The following PPP1R3A variants were observed in gnomAD, a reference collection of about 807,000 sequenced individuals.
PPP1R3A encodes RG1.
PPP1R3A carries 29 observed loss-of-function variants against 41.7 expected under a neutral mutation model. The ratio of observed to expected loss-of-function variants is 0.70; its 90% CI spans 0.52 to 0.95. The LOEUF is 0.95. Ranked by LOEUF, PPP1R3A falls within the 40% of genes least tolerant of loss-of-function variation. The probability of loss-of-function intolerance (pLI) is 0.00; values close to 1 mark genes in which losing one functional copy is unlikely to be tolerated. For missense variants in PPP1R3A, 1,352 were observed against 1,292.4 expected, an observed-to-expected ratio of 1.05 and a Z score of -0.71; for synonymous variants, 485 against 453.4, an observed-to-expected ratio of 1.07 and a Z score of -0.89.
chr7:113,918,711 T>C lies in PPP1R3A; in HGVS notation c.286A>G (p.Thr96Ala), dbSNP rs1337495896. 2 of 1,613,700 alleles carry C rather than the reference T, an allele frequency of 1.2e-6. No homozygotes were observed. The highest frequency in any genetic ancestry group is 1.3e-5 in the African/African-American group (1 of 74,894). The stretch of plus-strand genomic sequence containing the variant: ...TATTCTTCTGTGTGGAAAATGTCCG[T>C]CCCTAAGTCAAAAGTGGTTGAAGCA... ...PSASTTFDLGTDIFHTEEYVL... is the reference protein window; with the variant it reads ...PSASTTFDLGADIFHTEEYVL... Residue 96 changes from threonine (T) to alanine (A), a missense_variant, in exon 1 of 4, where the codon ACG becomes GCG. By Grantham distance (58) the Thr-to-Ala change is moderately conservative. Coordinates refer to ENST00000284601, the MANE Select transcript of PPP1R3A (RefSeq NM_002711.4).
At chr7:113,889,161 C>CATCT (rs1796836106) in intron 1 of PPP1R3A, among the ~76,000 whole-genome samples, 1 of 152,120 alleles carries the variant, frequency 6.6e-6, no homozygotes, top group Admixed American at 6.5e-5. Context: ...GACAACAATG[C>CATCT]ATCTCACTGC....
At chr7:113,893,020 A>G (rs945305187) in intron 1 of PPP1R3A, among the ~76,000 whole-genome samples, 5 of 151,920 alleles carry the variant, frequency 3.3e-5, no homozygotes, top group African/African-American at 1.2e-4. Flanking sequence ...CTTTCTCTCT[A>G]ACACTCATGG....
rs183467825 is a variant in PPP1R3A, at chr7:113,885,416, G to A, written c.783-3096C>T. On this transcript the variant is annotated intron_variant, in intron 1 of 3. Transcript: ENST00000284601. ...AAACACTTTGAAAAACAATTTGACC[G>A]ACATTATCTTCAAAATTCAACATTT... Among the ~76,000 whole-genome samples, 15 of 152,152 alleles carry A rather than the reference G, an allele frequency of 9.9e-5. No individual in the cohort carries two copies. In the East Asian group the frequency reaches 1.2e-3, roughly 12 times the overall value.
Position 113,888,342 on chromosome 7 carries a change from G to A in PPP1R3A, c.783-6022C>T, listed in dbSNP as rs138143604. On this transcript the variant is annotated intron_variant, in intron 1 of 3. Coordinates refer to ENST00000284601, the MANE Select transcript of PPP1R3A (RefSeq NM_002711.4). ...AGTGGAGCAGAAAGACTAATCAGAG[G>A]CTCCTGAAACATTTCAGGCACAAAA... is the stretch of plus-strand genomic sequence containing the variant. Among the ~76,000 whole-genome samples the A allele has an allele frequency of 4.5e-3, 686 of 152,154 alleles. 4 individuals are homozygous for A. Among genetic ancestry groups the A allele is most frequent in the African/African-American group, 0.015 (620 of 41,520 alleles).
intron 1 of PPP1R3A, among the ~76,000 whole-genome samples, chr7:113,905,299 T>C (rs1370470715): frequency 1.3e-5 from 2 of 151,724 alleles, no homozygotes; most frequent in Non-Finnish European, 3.0e-5. Flanking sequence ...ATATGCCTGA[T>C]AGTACTATTC....
At chr7:113,900,831 T>C (rs1216323002) in intron 1 of PPP1R3A, among the ~76,000 whole-genome samples, 1 of 150,070 alleles carries the variant, frequency 6.7e-6, no homozygotes, top group East Asian at 2.0e-4. Context: ...TAAAAAATAT[T>C]TCTTATAAGT....
chr7:113,917,308 T>C (rs1797357274), intron 1 of PPP1R3A, among the ~76,000 whole-genome samples: 1 of 152,034 alleles, frequency 6.6e-6, no homozygotes, highest in African/African-American at 2.4e-5. Context: ...TGGAGCAATG[T>C]AGACTTTCCC....
At position 113,878,906 on chromosome 7, in the gene PPP1R3A, G is replaced by A; in HGVS notation, c.2186C>T (p.Thr729Ile). ...HGITEKAEAG[T>I]AYIIKTTSES... The stretch of plus-strand genomic sequence containing the variant: ...TGATGTTGTCTTAATTATATAGGCT[G>A]TACCAGCTTCTGCTTTCTCAGTAAT... The change falls in exon 4 of 4, where the codon ACA becomes ATA. Residue 729 changes from threonine to isoleucine, a missense_variant. Coordinates refer to ENST00000284601, the MANE Select transcript of PPP1R3A (RefSeq NM_002711.4). 5 of 1,612,894 alleles carry A rather than the reference G, an allele frequency of 3.1e-6. No homozygotes were observed. The highest frequency in any genetic ancestry group is 4.2e-6 in the Non-Finnish European group (5 of 1,179,726).
At chr7:113,885,355 T>C (rs1404563091) in intron 1 of PPP1R3A, among the ~76,000 whole-genome samples, 1 of 152,120 alleles carries the variant, frequency 6.6e-6, no homozygotes, top group Non-Finnish European at 1.5e-5. Context: ...CCCCCAGGCT[T>C]TCTTGTACAT....
intron 1 of PPP1R3A, among the ~76,000 whole-genome samples, chr7:113,915,093 T>G (rs1257833032): frequency 6.6e-6 from 1 of 152,040 alleles, no homozygotes; most frequent in Admixed American, 6.6e-5. Context: ...TATCTTTGGG[T>G]CACTCTCAAT....
At chr7:113,916,280 C>T (rs1040665076) in intron 1 of PPP1R3A, among the ~76,000 whole-genome samples, 1 of 152,010 alleles carries the variant, frequency 6.6e-6, no homozygotes, top group African/African-American at 2.4e-5. Context: ...TTTAGTTCTT[C>T]TCAGGTTTTT....
intron 1 of PPP1R3A, among the ~76,000 whole-genome samples, chr7:113,911,342 T>G (rs1445199990): frequency 6.6e-6 from 1 of 152,112 alleles, no homozygotes; most frequent in African/African-American, 2.4e-5. Context: ...ATTTGAGAGA[T>G]AATACTCTGA....
chr7:113,905,686 CTT>C (rs1337153646), intron 1 of PPP1R3A, among the ~76,000 whole-genome samples: 3 of 151,676 alleles, frequency 2.0e-5, no homozygotes, highest in Non-Finnish European at 4.4e-5. Flanking sequence ...TTGTTTTGCT[CTT>C]TGTTTCATTT....
intron 1 of PPP1R3A, among the ~76,000 whole-genome samples, chr7:113,898,817 T>C (rs1584415267): frequency 1.3e-5 from 2 of 151,946 alleles, no homozygotes; most frequent in East Asian, 3.9e-4. Context: ...CACCTGAAGA[T>C]AAGGCCCTGG....
At chr7:113,911,503 AGAT>A (rs1797249095) in intron 1 of PPP1R3A, among the ~76,000 whole-genome samples, 1 of 152,154 alleles carries the variant, frequency 6.6e-6, no homozygotes, top group African/African-American at 2.4e-5. Context: ...AGGCATAAAG[AGAT>A]AATAAGGTGA....
intron 1 of PPP1R3A, among the ~76,000 whole-genome samples, chr7:113,912,812 T>C (rs1050974159): frequency 6.6e-6 from 1 of 152,080 alleles, no homozygotes; most frequent in African/African-American, 2.4e-5. Context: ...GGATAGGCTC[T>C]CAGAGATCCC....
rs114052654 is a variant in PPP1R3A at position 113,904,486 on chromosome 7, C to A, written c.782+13729G>T. On this transcript the variant is annotated intron_variant, in intron 1 of 3. Transcript: ENST00000284601. ...TTGATGAAGAACAAGCTAACTTATT[C>A]ACATGGTAAAACACCATAAAACTCA... Among the ~76,000 whole-genome samples the A allele has an allele frequency of 2.9e-3, 436 of 151,792 alleles. 2 individuals carry two copies. The highest frequency in any genetic ancestry group is 0.01 in the African/African-American group (416 of 41,490).
chr7:113,911,346 A>T (rs1584421019), intron 1 of PPP1R3A, among the ~76,000 whole-genome samples: 1 of 152,214 alleles, frequency 6.6e-6, no homozygotes, highest in Non-Finnish European at 1.5e-5. Context: ...GAGAGATAAT[A>T]CTCTGAAAAG....
At chr7:113,917,862 C>T (rs149851072) in intron 1 of PPP1R3A, among the ~76,000 whole-genome samples, 7 of 152,026 alleles carry the variant, frequency 4.6e-5, no homozygotes, top group South Asian at 2.1e-4. Flanking sequence ...CATTTAAAAA[C>T]GACTGAAAAT....
Sources: gnomAD v4.1 joint callset for allele counts (sites outside exome capture counted in the v4.1 genomes callset) on GRCh38, gnomAD v4.1.1 for gene constraint, MANE v1.5 for transcripts, NCBI Gene and HGNC (gene_info 2026-07-23, HGNC 2026-07-21) for gene names.